The following THEMIS variants were observed in gnomAD, a reference collection of about 807,000 sequenced individuals.
THEMIS encodes thymocyte selection associated, also known as protein THEMIS.
Under a neutral mutation model 52.6 loss-of-function variants are expected in THEMIS, and 37 were observed. The observed-to-expected ratio is 0.70, with a 90% CI of 0.54 to 0.93. The LOEUF (loss-of-function observed/expected upper bound fraction) is 0.93. THEMIS is among the 40% of genes least tolerant of loss of function. The pLI, the probability that THEMIS is intolerant of heterozygous loss-of-function variation, is 0.00. For missense variants in THEMIS, 808 were observed against 763.1 expected (o/e 1.06, Z -0.69); for synonymous variants, 292 against 272.7 (o/e 1.07, Z -0.70).
intron 5 of THEMIS, among the ~76,000 whole-genome samples, chr6:127,713,806 G>A (rs1214488592): frequency 1.3e-5 from 2 of 151,786 alleles, no homozygotes; most frequent in African/African-American, 4.8e-5. Context: ...TAGTGAGAAA[G>A]GAGAAGTAGA....
At chr6:127,773,304 C>T (rs1776448536) in intron 4 of THEMIS, among the ~76,000 whole-genome samples, 1 of 152,162 alleles carries the variant, frequency 6.6e-6, no homozygotes, top group Non-Finnish European at 1.5e-5. Flanking sequence ...ATCACAAAGA[C>T]TCCAGATATA....
intron 4 of THEMIS, among the ~76,000 whole-genome samples, chr6:127,721,747 A>G (rs1241088975): frequency 6.6e-6 from 1 of 152,008 alleles, no homozygotes; most frequent in Admixed American, 6.6e-5. Context: ...GCATCCAACT[A>G]CTTTCCTGAT....
In THEMIS at chr6:127,916,549, T is replaced by C. The variant is rs140189259; in HGVS notation, c.-150+1879A>G. Among the ~76,000 whole-genome samples the C allele has an allele frequency of 8.2e-3, 1,242 of 152,290 alleles. 9 individuals are homozygous for C. The highest frequency in any genetic ancestry group is 0.013 in the Non-Finnish European group (859 of 68,032). ...GGGCATGATCAAAGCTAGAACTGTA[T>C]CCTTTCTGTGGGAAACTTAAATGGG... is the stretch of plus-strand genomic sequence containing the variant. On this transcript the variant is annotated intron_variant, in intron 1 of 6. Coordinates refer to the THEMIS transcript ENST00000368250.
chr6:127,738,466 G>A (rs370266484), intron 4 of THEMIS, among the ~76,000 whole-genome samples: 2 of 152,118 alleles, frequency 1.3e-5, no homozygotes, highest in Non-Finnish European at 1.5e-5. Flanking sequence ...GAGTTACAAG[G>A]TTTTTCATAT....
intron 4 of THEMIS, among the ~76,000 whole-genome samples, chr6:127,731,863 A>ACTTTTTT (rs1774812831): frequency 1.0e-4 from 1 of 9,798 alleles, no homozygotes; most frequent in Non-Finnish European, 2.0e-4. Context: ...ATGCCCGGCT[A>ACTTTTTT]ATTTTTTTTT....
intron 1 of THEMIS, among the ~76,000 whole-genome samples, chr6:127,882,204 C>G (rs1169735568): frequency 2.6e-5 from 4 of 151,712 alleles, no homozygotes; most frequent in African/African-American, 7.2e-5. Context: ...TACAGCCATT[C>G]TGTTTTTCAT....
intron 5 of THEMIS, among the ~76,000 whole-genome samples, chr6:127,710,755 A>T (rs1773948483): frequency 6.6e-6 from 1 of 151,986 alleles, no homozygotes; most frequent in East Asian, 1.9e-4. Flanking sequence ...GGTAATTAAA[A>T]GAAGCCCTAA....
rs776481300 is a variant in THEMIS at position 127,813,933 on chromosome 6, T to C, written c.710-2A>G. On this transcript the variant is annotated splice_acceptor_variant, in intron 3 of 5. Coordinates refer to ENST00000368248, the MANE Select transcript of THEMIS (RefSeq NM_001010923.3). LOFTEE classifies it high-confidence loss of function. ...GGATGCGGATTATATCTTTTCGAAC[T>C]AAAAAGAAAAAATAAATCACTATGA... is the stretch of plus-strand genomic sequence containing the variant. 22 of 1,526,380 alleles carry C rather than the reference T, an allele frequency of 1.4e-5. No individual in the cohort carries two copies. The highest frequency in any genetic ancestry group is 1.9e-5 in the Non-Finnish European group (22 of 1,140,460). 94.6% of individuals were successfully genotyped at this position (1,526,380 alleles called of 1,614,324 possible). A position where few individuals can be genotyped will look rare whatever the true frequency, so the allele number is the denominator to read the frequency against.
At chr6:127,833,973 A>G (rs534919588) in intron 2 of THEMIS, among the ~76,000 whole-genome samples, 2 of 152,286 alleles carry the variant, frequency 1.3e-5, no homozygotes, top group South Asian at 2.1e-4. Context: ...TCCTCAAAGT[A>G]TTGGAATATA....
At chr6:127,776,173 C>T (rs373000330) in intron 4 of THEMIS, among the ~76,000 whole-genome samples, 1 of 152,208 alleles carries the variant, frequency 6.6e-6, no homozygotes, top group Middle Eastern at 3.4e-3. Flanking sequence ...CTAAATTTGT[C>T]AAGACTGTTT....
At chr6:127,793,795 A>G (rs1203729057) in intron 4 of THEMIS, among the ~76,000 whole-genome samples, 1 of 152,232 alleles carries the variant, frequency 6.6e-6, no homozygotes, top group African/African-American at 2.4e-5. Context: ...TAGAAGAAAT[A>G]GTACTGATCA....
intron 5 of THEMIS, 28 bp from the exon 6 acceptor site, chr6:127,710,044 A>G (rs770415939): frequency 3.4e-6 from 5 of 1,477,150 alleles, no homozygotes; most frequent in Non-Finnish European, 4.6e-6. Context: ...AGGGTTTATC[A>G]GAAATAAGTA....
chr6:127,867,859 A>G (rs1445947294), intron 1 of THEMIS, among the ~76,000 whole-genome samples: 1 of 152,088 alleles, frequency 6.6e-6, no homozygotes, highest in Non-Finnish European at 1.5e-5. Flanking sequence ...TCTGTTGCTG[A>G]GTCTGAGACT....
At chr6:127,804,156 T>C (rs1396841887) in intron 4 of THEMIS, among the ~76,000 whole-genome samples, 2 of 151,648 alleles carry the variant, frequency 1.3e-5, no homozygotes, top group East Asian at 3.9e-4. Context: ...ACATTAAGAG[T>C]TAAGGGAGAT....
intron 1 of THEMIS, among the ~76,000 whole-genome samples, chr6:127,875,412 A>C (rs1173093645): frequency 2.0e-5 from 3 of 152,248 alleles, no homozygotes; most frequent in Admixed American, 6.5e-5. Flanking sequence ...CCCAAACTGC[A>C]GAAAGCCATT....
chr6:127,903,891 G>T (rs1298152920), upstream of THEMIS, among the ~76,000 whole-genome samples: 4 of 152,050 alleles, frequency 2.6e-5, no homozygotes, highest in Admixed American at 2.6e-4. Context: ...ACCTAGAAGA[G>T]CTGTATACTT....
At chr6:127,762,771 G>A (rs1359750928) in intron 4 of THEMIS, among the ~76,000 whole-genome samples, 2 of 152,012 alleles carry the variant, frequency 1.3e-5, no homozygotes, top group Non-Finnish European at 2.9e-5. Flanking sequence ...TTAGCCTATG[G>A]AATTGGCATT....
At position 127,719,754 on chromosome 6, in the gene THEMIS, C is replaced by A. The variant is rs138041742; in HGVS notation, c.1828G>T (p.Gly610Cys). The A allele has an allele frequency of 2.5e-6, 4 of 1,612,216 alleles. No homozygotes were observed. The highest frequency in any genetic ancestry group is 2.7e-5 in the African/African-American group (2 of 74,734). The change falls in exon 5 of 6, where the codon GGT (glycine) becomes TGT (cysteine). Residue 610 changes from glycine (G) to cysteine (C), a missense_variant. Physicochemically the swap from Gly to Cys is radical, Grantham distance 159. Coordinates refer to ENST00000368248, the MANE Select transcript of THEMIS (RefSeq NM_001010923.3). ...TCATCCACCAAATCATTCTGACTACCAATCAGTACTTTTGAATCCAGGCCA... is the reference window on the plus strand; with the variant it reads ...TCATCCACCAAATCATTCTGACTACAAATCAGTACTTTTGAATCCAGGCCA... ...QAGLDSKVLI[G>C]SQNDLVDEEK...
In THEMIS at chr6:127,900,863, G is replaced by A. The variant is rs757809284; in HGVS notation, c.70C>T (p.Gln24Ter). 6.2e-7 allele frequency: 1 copy of A among 1,613,060 alleles called. No homozygotes were observed. The highest frequency in any genetic ancestry group is 8.5e-7 in the Non-Finnish European group (1 of 1,179,326). Reference sequence around the variant, plus strand: ...TTACCTTCAAGATAGATGCCTGCCTGGATTTCTAGAACCCTGGGTAGGGTC... The same window carrying A: ...TTACCTTCAAGATAGATGCCTGCCTAGATTTCTAGAACCCTGGGTAGGGTC... Reference protein sequence around the residue: ...LRTLPRVLEIQAGIYLEGSIY... With the variant: ...LRTLPRVLEI The change falls in exon 1 of 6, where the codon CAG (glutamine) becomes TAG (stop). Residue 24 changes from glutamine (Q) to a stop codon, truncating the protein, a stop_gained. Transcript: ENST00000368248. LOFTEE classifies it high-confidence loss of function.
Sources: allele counts gnomAD v4.1 joint callset (sites outside exome capture counted in the v4.1 genomes callset), GRCh38; gene constraint gnomAD v4.1.1; transcripts MANE v1.5; gene names NCBI Gene and HGNC (gene_info 2026-07-23, HGNC 2026-07-21).